The following GLT1D1 variants were observed in gnomAD, a reference collection of about 807,000 sequenced individuals.
GLT1D1 encodes glycosyltransferase 1 domain-containing protein 1.
Under a neutral mutation model 28.7 loss-of-function variants are expected in GLT1D1, and 21 were observed. The ratio of observed to expected loss-of-function variants is 0.73; its 90% CI spans 0.52 to 1.05. GLT1D1 has a LOEUF of 1.05. GLT1D1 is among the 50% of genes least tolerant of loss of function. The pLI is 0.00. For synonymous variants in GLT1D1, 147 were observed against 124.8 expected, an observed-to-expected ratio of 1.18 and a Z score of -1.19; for missense variants, 343 against 330.6, an observed-to-expected ratio of 1.04 and a Z score of -0.29.
At chr12:128,940,981 C>T (rs1875159169) in intron 4 of GLT1D1, among the ~76,000 whole-genome samples, 1 of 152,178 alleles carries the variant, frequency 6.6e-6, no homozygotes, top group Non-Finnish European at 1.5e-5. Context: ...CCCAATAACC[C>T]CTAATTAGAT....
rs114382741 is a variant in GLT1D1 at position 128,910,758 on chromosome 12, G to T, written c.375+11471G>T. Among the ~76,000 whole-genome samples, 404 of 151,296 alleles carry T rather than the reference G, an allele frequency of 2.7e-3. 3 individuals are homozygous for T. Among genetic ancestry groups the T allele is most frequent in the African/African-American group, 8.5e-3 (349 of 41,220 alleles). ...AGGTCTTTGAAACTCTCTCTTAAAG[G>T]TTTACTATTTTAAGGGCATTTGGAA... On this transcript the variant is annotated intron_variant, in intron 4 of 7. Transcript: ENST00000281703.
At chr12:128,905,892 C>T (rs895601876) in intron 4 of GLT1D1, among the ~76,000 whole-genome samples, 3 of 151,382 alleles carry the variant, frequency 2.0e-5, no homozygotes, top group South Asian at 2.1e-4. Flanking sequence ...AGTGCAGTGG[C>T]GTGATCGTGG....
chr12:128,975,279 A>G (rs1879659152), intron 7 of GLT1D1, among the ~76,000 whole-genome samples: 1 of 152,040 alleles, frequency 6.6e-6, no homozygotes, highest in South Asian at 2.1e-4. Context: ...GGCGGGGGGA[A>G]GTCAAGCATC....
At chr12:128,883,216 G>A (rs577521699) in intron 2 of GLT1D1, among the ~76,000 whole-genome samples, 3 of 148,462 alleles carry the variant, frequency 2.0e-5, no homozygotes, top group South Asian at 2.2e-4. Context: ...GAGCCACCAC[G>A]CCCAGCCTTC....
chr12:128,953,098 T>C (rs535222330), intron 6 of GLT1D1, among the ~76,000 whole-genome samples: 1 of 152,134 alleles, frequency 6.6e-6, no homozygotes, highest in East Asian at 1.9e-4. Flanking sequence ...GAGCATCTTT[T>C]CACGTGCTTA....
chr12:128,892,384 T>C (rs2135837245), intron 3 of GLT1D1, among the ~76,000 whole-genome samples: 1 of 152,240 alleles, frequency 6.6e-6, no homozygotes, highest in Non-Finnish European at 1.5e-5. Flanking sequence ...TTATTACAGG[T>C]TTTCTTATTG....
At chr12:128,867,923 C>T (rs141873408) in intron 1 of GLT1D1, among the ~76,000 whole-genome samples, 18 of 152,208 alleles carry the variant, frequency 1.2e-4, no homozygotes, top group Admixed American at 4.6e-4. Context: ...TGAGAGACTG[C>T]GATGGATTGT....
At chr12:128,917,414 T>C (rs1872211328) in intron 4 of GLT1D1, among the ~76,000 whole-genome samples, 1 of 152,182 alleles carries the variant, frequency 6.6e-6, no homozygotes, top group South Asian at 2.1e-4. Context: ...TAGCTGGGAT[T>C]ACAGGCACGC....
At position 128,981,465 on chromosome 12, in the gene GLT1D1, C is replaced by A. The variant is rs113194162; in HGVS notation, c.640-1464C>A. Among the ~76,000 whole-genome samples, 894 of 151,490 alleles carry A rather than the reference C, an allele frequency of 5.9e-3. 5 individuals carry two copies. The highest frequency in any genetic ancestry group is 8.9e-3 in the Non-Finnish European group (600 of 67,624). On this transcript the variant is annotated intron_variant, in intron 7 of 7. Transcript: ENST00000281703. ...GATTTTAATAAGAATGTTGTTCTAC[C>A]CTGAAACGGGAATAAACATATTTTT...
At chr12:128,957,771 C>T (rs73153466) in intron 7 of GLT1D1, 128 bp downstream of exon 11, 13,287 of 627,914 alleles carry the variant, frequency 0.021, 207 homozygotes, top group Non-Finnish European at 0.03. Flanking sequence ...GGAGAGCATG[C>T]TGTCTTCTGT....
chr12:128,865,003 C>T (rs1371316563), intron 1 of GLT1D1, among the ~76,000 whole-genome samples: 1 of 152,180 alleles, frequency 6.6e-6, no homozygotes, highest in Non-Finnish European at 1.5e-5. Flanking sequence ...CCACCCCAGC[C>T]CTCCCTGGTT....
At chr12:128,893,202 G>A (rs747320699) in intron 3 of GLT1D1, among the ~76,000 whole-genome samples, 1 of 152,114 alleles carries the variant, frequency 6.6e-6, no homozygotes, top group African/African-American at 2.4e-5. Context: ...CTGAGATCTC[G>A]CCATTGCACT....
intron 4 of GLT1D1, among the ~76,000 whole-genome samples, chr12:128,913,038 A>G (rs1464999035): frequency 6.6e-6 from 1 of 152,114 alleles, no homozygotes; most frequent in African/African-American, 2.4e-5. Context: ...AGTACGATAT[A>G]CTCCATCAGC....
At chr12:128,963,185 G>C (rs1257607654) in intron 7 of GLT1D1, among the ~76,000 whole-genome samples, 1 of 152,232 alleles carries the variant, frequency 6.6e-6, no homozygotes, top group East Asian at 1.9e-4. Flanking sequence ...CATCAAAGGT[G>C]ACGTCTGGTC....
At position 128,884,586 on chromosome 12, in the gene GLT1D1, G is replaced by A. The variant is rs137891539; in HGVS notation, c.218-4053G>A. Among the ~76,000 whole-genome samples the A allele has an allele frequency of 2.9e-3, 439 of 152,174 alleles. 2 individuals carry two copies. Among genetic ancestry groups the A allele is most frequent in the Middle Eastern group, 0.017 (5 of 294 alleles). On this transcript the variant is annotated intron_variant, in intron 2 of 7. Coordinates refer to ENST00000281703, the MANE Select transcript of GLT1D1 (RefSeq NM_144669.3). ...TCCCAGCACTTTGGAAGGCTGAGGC[G>A]GGTGGATCACTTGAGGTCACGAGTT...
intron 4 of GLT1D1, among the ~76,000 whole-genome samples, chr12:128,904,389 A>G (rs1870616114): frequency 6.6e-6 from 1 of 151,798 alleles, no homozygotes; most frequent in Non-Finnish European, 1.5e-5. Context: ...CATACAACCT[A>G]ACATTTTTAT....
chr12:128,977,401 G>T (rs531782308), intron 7 of GLT1D1, among the ~76,000 whole-genome samples: 1 of 152,234 alleles, frequency 6.6e-6, no homozygotes, highest in Admixed American at 6.5e-5. Context: ...AGCCAGCGTT[G>T]GCACACCTGT....
chr12:128,895,674 C>T (rs1053382619), intron 3 of GLT1D1, among the ~76,000 whole-genome samples: 7 of 152,002 alleles, frequency 4.6e-5, no homozygotes, highest in South Asian at 4.1e-4. Flanking sequence ...TCAGGCTGGT[C>T]TCTCAAACTC....
intron 1 of GLT1D1, among the ~76,000 whole-genome samples, chr12:128,874,116 C>CCCTTTCTTTCTT (rs1555261625): frequency 5.0e-5 from 3 of 59,526 alleles, no homozygotes; most frequent in African/African-American, 1.7e-4. Context: ...CTCTCTCTCT[C>CCCTTTCTTTCTT]TCTCTCTCTC....
Sources: allele counts gnomAD v4.1 joint callset (sites outside exome capture counted in the v4.1 genomes callset), GRCh38; gene constraint gnomAD v4.1.1; transcripts MANE v1.5; gene names NCBI Gene and HGNC (gene_info 2026-07-23, HGNC 2026-07-21).